Variants in CDH23 observed in about 807,000 individuals in gnomAD.
CDH23 encodes cadherin-23.
A neutral mutation model predicts 317.1 loss-of-function variants in CDH23; 189 were observed. That is an observed-to-expected ratio of 0.60 (90% CI 0.53 to 0.67). The LOEUF (loss-of-function observed/expected upper bound fraction) is 0.67, where lower values mean the gene tolerates loss of function less well. Among genes scored for constraint, CDH23 ranks in the 30% least tolerant of loss-of-function variants. The pLI is 0.00. For synonymous variants in CDH23, 1,839 were observed against 1,876.8 expected (o/e 0.98, Z 0.52); for missense variants, 4,401 against 4,592.4 (o/e 0.96, Z 1.20).
intron 3 of CDH23, among the ~76,000 whole-genome samples, chr10:71,457,997 G>A (rs1328322489): frequency 9.8e-5 from 15 of 152,312 alleles, no homozygotes; most frequent in African/African-American, 2.4e-5. Flanking sequence ...CCATTGGGAC[G>A]AGGATGTGCT....
At chr10:71,792,840 AAAAAAAAAAAAAATATATAT>A (rs1841292528) in intron 47 of CDH23, among the ~76,000 whole-genome samples, 3 of 74,946 alleles carry the variant, frequency 4.0e-5, no homozygotes, top group Non-Finnish European at 8.3e-5. Flanking sequence ...AAAAAAAAAA[AAAAAAAAAAAAAATATATAT>A]ATATATATAT....
chr10:71,399,096 CA>C (rs1847668983), intron 1 of CDH23, among the ~76,000 whole-genome samples: 1 of 152,226 alleles, frequency 6.6e-6, no homozygotes, highest in Admixed American at 6.5e-5. Context: ...GCAGTTTCAC[CA>C]TTTGAGGTTC....
At chr10:71,674,289 A>G (rs1864267461) in intron 14 of CDH23, among the ~76,000 whole-genome samples, 1 of 152,244 alleles carries the variant, frequency 6.6e-6, no homozygotes, top group Non-Finnish European at 1.5e-5. Flanking sequence ...CATAGAATTT[A>G]CTAGATTTAA....
intron 28 of CDH23, chr10:71,716,529 T>C (rs1589366413): frequency 2.0e-6 from 1 of 505,038 alleles, no homozygotes; most frequent in East Asian, 3.4e-5. Flanking sequence ...TACACACAGC[T>C]GAGCAGTGAT....
At chr10:71,794,599 A>C (rs1324363564) in intron 48 of CDH23, 1 of 152,266 alleles carries the variant, frequency 6.6e-6, no homozygotes, top group African/African-American at 2.4e-5. Flanking sequence ...AGAAGAATCA[A>C]CATGGCTGTG....
chr10:71,505,795 A>T (rs758298102), intron 3 of CDH23, among the ~76,000 whole-genome samples: 1 of 152,218 alleles, frequency 6.6e-6, no homozygotes, highest in Non-Finnish European at 1.5e-5. Flanking sequence ...AATGTAAAAT[A>T]ATACAGCCAC....
chr10:71,560,847 G>A (rs575871072), intron 6 of CDH23, among the ~76,000 whole-genome samples: 1 of 151,884 alleles, frequency 6.6e-6, no homozygotes, highest in South Asian at 2.1e-4. Flanking sequence ...TTTATAACAG[G>A]CTCTGTAATA....
At chr10:71,587,198 C>G (rs1268268643) in intron 9 of CDH23, among the ~76,000 whole-genome samples, 1 of 152,264 alleles carries the variant, frequency 6.6e-6, no homozygotes, top group Admixed American at 6.5e-5. Context: ...AAACCTAGAC[C>G]TTCCTGCTTC....
In CDH23 at chr10:71,738,662, G is replaced by C; in HGVS notation, c.4359+15G>C. The C allele has an allele frequency of 6.2e-7, 1 of 1,611,070 alleles. No homozygotes were observed. Among genetic ancestry groups the C allele is most frequent in the Non-Finnish European group, 8.5e-7 (1 of 1,178,728 alleles). Reference sequence around the variant, plus strand: ...GCAATGGGCAGGTGGGCCACCGAGTGAAACAGCCAGGATCCACCATGTCAG... The same window carrying C: ...GCAATGGGCAGGTGGGCCACCGAGTCAAACAGCCAGGATCCACCATGTCAG... On this transcript the variant is annotated intron_variant, in intron 35 of 69. Coordinates refer to ENST00000224721, the MANE Select transcript of CDH23 (RefSeq NM_022124.6).
Position 71,760,940 on chromosome 10 carries a change from G to A in CDH23, c.4846-16740G>A, listed in dbSNP as rs930986659. 3.1e-6 allele frequency: 5 copies of A among 1,613,472 alleles called. No individual in the cohort carries two copies. The African/African-American group carries it at 5.3e-5, about 17-fold the overall frequency. Reference sequence around the variant, plus strand: ...GCATCTTTGCCTGTGGGAACAAACAGAAGGGCCATTAGGTGGGTGTCAGGC... The same window carrying A: ...GCATCTTTGCCTGTGGGAACAAACAAAAGGGCCATTAGGTGGGTGTCAGGC... On this transcript the variant is annotated intron_variant, in intron 38 of 69. Coordinates refer to ENST00000224721, the MANE Select transcript of CDH23 (RefSeq NM_022124.6).
Position 71,734,639 on chromosome 10 carries a change from G to A in CDH23, c.4207-17G>A. 1 of 1,498,936 alleles carries A rather than the reference G, an allele frequency of 6.7e-7. No homozygotes were observed. Among genetic ancestry groups the A allele is most frequent in the Non-Finnish European group, 9.0e-7 (1 of 1,106,348 alleles). 92.9% of individuals were successfully genotyped at this position (1,498,936 alleles called of 1,614,324 possible). ...CCTTTTCTCTCACTCCCCTCCTGCT[G>A]CTGCCTCTGCCTACAGAAGGTGAGT... On this transcript the variant is annotated splice_polypyrimidine_tract_variant and intron_variant, in intron 33 of 69. Coordinates refer to ENST00000224721, the MANE Select transcript of CDH23 (RefSeq NM_022124.6).
At chr10:71,666,234 T>C (rs1370476669) in intron 14 of CDH23, among the ~76,000 whole-genome samples, 2 of 151,682 alleles carry the variant, frequency 1.3e-5, no homozygotes, top group Non-Finnish European at 2.9e-5. Context: ...TTCTACGGCC[T>C]CCCACATGCT....
chr10:71,489,192 C>T (rs1852510253), intron 3 of CDH23, among the ~76,000 whole-genome samples: 1 of 152,228 alleles, frequency 6.6e-6, no homozygotes, highest in Admixed American at 6.5e-5. Flanking sequence ...TTCTTTGCTT[C>T]TGGAATCTCA....
intron 30 of CDH23, among the ~76,000 whole-genome samples, 173 bp from the exon 31 acceptor site, chr10:71,730,296 G>A (rs1456328390): frequency 2.0e-5 from 3 of 152,216 alleles, no homozygotes; most frequent in African/African-American, 7.2e-5. Context: ...CGCGCCAGGT[G>A]CTGTGCAAGG....
In CDH23 at chr10:71,409,746, T is replaced by C. The variant is rs114455000; in HGVS notation, c.-6+12428T>C. Among the ~76,000 whole-genome samples, 580 of 152,278 alleles carry C rather than the reference T, an allele frequency of 3.8e-3. 4 individuals are homozygous for C. The highest frequency in any genetic ancestry group is 0.013 in the African/African-American group (555 of 41,568). On this transcript the variant is annotated intron_variant, in intron 1 of 69. Coordinates refer to ENST00000224721, the MANE Select transcript of CDH23 (RefSeq NM_022124.6). ...AAAGGGACTTCTCTCCCCAGACCCA[T>C]GCTGCAGCCTCAACCTGCTTCCCCA...
At chr10:71,512,542 A>G (rs1854053048) in intron 6 of CDH23, among the ~76,000 whole-genome samples, 2 of 152,216 alleles carry the variant, frequency 1.3e-5, no homozygotes, top group African/African-American at 4.8e-5. Flanking sequence ...AACCAAGGGC[A>G]CGGCTCAGAG....
chr10:71,761,521 C>T (rs1218666920), intron 38 of CDH23: 1 of 1,429,162 alleles, frequency 7.0e-7, no homozygotes, highest in Admixed American at 2.4e-5. Flanking sequence ...CTGCCCAGCA[C>T]AGTGTCATGA....
intron 3 of CDH23, among the ~76,000 whole-genome samples, chr10:71,480,482 C>T (rs10999844): frequency 0.58 from 87,867 of 152,110 alleles, 25,734 homozygotes; most frequent in East Asian, 0.75. Context: ...TGAAGGCCTG[C>T]TGGAGCCTGG....
rs549067493 is a variant in CDH23 at position 71,501,798 on chromosome 10, G to A, written c.146-8284G>A. On this transcript the variant is annotated intron_variant, in intron 3 of 69. Coordinates refer to ENST00000224721, the MANE Select transcript of CDH23 (RefSeq NM_022124.6). ...GGAGCCCATCCCAGGGAGAGTGGGA[G>A]GGCAGGAGCCCCTGGCCCTGGCAGG... Among the ~76,000 whole-genome samples the A allele has an allele frequency of 1.2e-4, 19 of 152,342 alleles. No individual in the cohort carries two copies. In the East Asian group the frequency reaches 2.5e-3, roughly 20 times the overall value.
Sources: allele counts gnomAD v4.1 joint callset (sites outside exome capture counted in the v4.1 genomes callset), GRCh38; gene constraint gnomAD v4.1.1; transcripts MANE v1.5; gene names NCBI Gene and HGNC (gene_info 2026-07-23, HGNC 2026-07-21).